The following CYP2C19 variants were observed in gnomAD, a reference collection of about 807,000 sequenced individuals.
The protein encoded by CYP2C19 is cytochrome P450 family 2 subfamily C member 19, also known as cytochrome P450 2C19.
CYP2C19 carries 59 observed loss-of-function variants against 40.9 expected under a neutral mutation model. The observed-to-expected ratio is 1.44, with a 90% CI of 1.17 to 1.79. CYP2C19 has a LOEUF of 1.79. Ranked by LOEUF, CYP2C19 falls within the 40% of genes most tolerant of loss-of-function variation. The pLI is 0.00. For synonymous variants in CYP2C19, 253 were observed against 208.7 expected, an observed-to-expected ratio of 1.21 and a Z score of -1.83; for missense variants, 754 against 596.9, an observed-to-expected ratio of 1.26 and a Z score of -2.74.
At chr10:94,838,003 A>G (rs1554854116) in intron 6 of CYP2C19, among the ~76,000 whole-genome samples, 2 of 152,128 alleles carry the variant, frequency 1.3e-5, no homozygotes, top group Non-Finnish European at 2.9e-5. Flanking sequence ...AATTTTCCCA[A>G]CTTTTCCCTT....
At chr10:94,797,953 AT>A (rs1219973248) in intron 5 of CYP2C19, among the ~76,000 whole-genome samples, 2 of 151,826 alleles carry the variant, frequency 1.3e-5, no homozygotes, top group Non-Finnish European at 2.9e-5. Flanking sequence ...TCCTGGATTC[AT>A]TGATTTTTTT....
chr10:94,854,863 T>G lies in CYP2C19; in HGVS notation c.*1949T>G, dbSNP rs1849708435. 6.6e-6 allele frequency among the ~76,000 whole-genome samples: 1 copy of G among 152,078 alleles called. No individual in the cohort carries two copies. The highest frequency in any genetic ancestry group is 1.5e-5 in the Non-Finnish European group (1 of 68,016). ...GAGTTAATAGAAGAGAAAGTGGAAA[T>G]GGGTATTACATTAATGGAAAGATAC... is the stretch of plus-strand genomic sequence containing the variant. On this transcript the variant is annotated 3_prime_UTR_variant, in exon 9 of 9. Coordinates refer to ENST00000371321, the MANE Select transcript of CYP2C19 (RefSeq NM_000769.4).
intron 6 of CYP2C19, among the ~76,000 whole-genome samples, chr10:94,830,130 G>T (rs1280987799): frequency 6.6e-6 from 1 of 152,224 alleles, no homozygotes; most frequent in Non-Finnish European, 1.5e-5. Context: ...CCTGCCCCCA[G>T]AGGTGGAGCC....
chr10:94,831,311 G>A (rs1202187807), intron 6 of CYP2C19, among the ~76,000 whole-genome samples: 1 of 152,048 alleles, frequency 6.6e-6, no homozygotes, highest in East Asian at 1.9e-4. Context: ...CAAAGTCTTA[G>A]CCATTGTAAA....
chr10:94,813,604 G>A (rs957777826), intron 5 of CYP2C19, among the ~76,000 whole-genome samples: 3 of 151,878 alleles, frequency 2.0e-5, no homozygotes, highest in Non-Finnish European at 2.9e-5. Flanking sequence ...ACCTACTCAA[G>A]CCTCAACAAT....
chr10:94,805,224 G>A (rs552636922), intron 5 of CYP2C19, among the ~76,000 whole-genome samples: 1 of 152,078 alleles, frequency 6.6e-6, no homozygotes, highest in East Asian at 1.9e-4. Flanking sequence ...ATTATGGTAA[G>A]GGAGTTTTAT....
intron 5 of CYP2C19, among the ~76,000 whole-genome samples, chr10:94,804,742 C>T (rs1848810908): frequency 6.6e-6 from 1 of 152,160 alleles, no homozygotes; most frequent in African/African-American, 2.4e-5. Flanking sequence ...CCCCAGGTAT[C>T]TTAGATGTCT....
intron 1 of CYP2C19, among the ~76,000 whole-genome samples, chr10:94,765,899 T>G (rs1440059371): frequency 2.6e-5 from 4 of 152,060 alleles, no homozygotes; most frequent in African/African-American, 7.2e-5. Flanking sequence ...CAGGTTGCAT[T>G]GCATTCATAC....
chr10:94,848,715 A>G (rs1297157532), intron 7 of CYP2C19, among the ~76,000 whole-genome samples: 1 of 152,144 alleles, frequency 6.6e-6, no homozygotes, highest in African/African-American at 2.4e-5. Context: ...ATGAGCATGG[A>G]ATGTTCTTCC....
intron 5 of CYP2C19, among the ~76,000 whole-genome samples, chr10:94,787,620 T>A (rs1406414934): frequency 6.6e-6 from 1 of 152,144 alleles, no homozygotes; most frequent in Non-Finnish European, 1.5e-5. Context: ...ATAGGATTGT[T>A]AGTTTGATGT....
At chr10:94,835,398 C>T (rs142891983) in intron 6 of CYP2C19, among the ~76,000 whole-genome samples, 1 of 152,256 alleles carries the variant, frequency 6.6e-6, no homozygotes, top group African/African-American at 2.4e-5. Flanking sequence ...GGCTAGCCAT[C>T]CCGAGGGGAG....
intron 5 of CYP2C19, among the ~76,000 whole-genome samples, chr10:94,790,685 GGGATGAAGCCAACTTGATCGTGGT>G (rs1484751807): frequency 4.6e-5 from 7 of 152,154 alleles, no homozygotes; most frequent in East Asian, 3.9e-4. Flanking sequence ...TTGCATCCCC[GGGATGAAGCCAACTTGATCGTGGT>G]GGATGAAGCC....
intron 3 of CYP2C19, among the ~76,000 whole-genome samples, chr10:94,776,867 G>T (rs758102731): frequency 6.6e-6 from 1 of 152,086 alleles, no homozygotes; most frequent in Non-Finnish European, 1.5e-5. Flanking sequence ...AATTGTCTCT[G>T]TTTACAGATG....
At chr10:94,825,970 A>G (rs61886249) in intron 6 of CYP2C19, among the ~76,000 whole-genome samples, 1 of 150,548 alleles carries the variant, frequency 6.6e-6, no homozygotes, top group East Asian at 1.9e-4. Flanking sequence ...ATAGTTGTAG[A>G]TATGTGGCGT....
chr10:94,826,464 A>T (rs992118279), intron 6 of CYP2C19, among the ~76,000 whole-genome samples: 1 of 151,964 alleles, frequency 6.6e-6, no homozygotes, highest in Non-Finnish European at 1.5e-5. Context: ...CTGTTTGTCT[A>T]TTGTTGGTGT....
rs1439658120 is a variant in CYP2C19, at chr10:94,826,184, A to G, written c.961+5547A>G. On this transcript the variant is annotated intron_variant, in intron 6 of 8. Transcript: ENST00000371321. Reference sequence around the variant, plus strand: ...ATGAACTTTAAAGTAGTTTTTTCCAATTCTGTGAAGAAAGTCATTGGTAGC... The same window carrying G: ...ATGAACTTTAAAGTAGTTTTTTCCAGTTCTGTGAAGAAAGTCATTGGTAGC... 3.3e-5 allele frequency among the ~76,000 whole-genome samples: 5 copies of G among 152,000 alleles called. No individual in the cohort carries two copies. The East Asian group carries it at 5.8e-4, about 18-fold the overall frequency.
Position 94,845,460 on chromosome 10 carries a change from T to C in CYP2C19, c.1149+2436T>C, listed in dbSNP as rs182970014. ...GGACTTGTGCAGAGAGTATTGTTTATTGATGCCCAATATAAGACTTTCCTG... is the reference window on the plus strand; with the variant it reads ...GGACTTGTGCAGAGAGTATTGTTTACTGATGCCCAATATAAGACTTTCCTG... On this transcript the variant is annotated intron_variant, in intron 7 of 8. Transcript: ENST00000371321. Among the ~76,000 whole-genome samples, 3 of 152,330 alleles carry C rather than the reference T, an allele frequency of 2.0e-5. No homozygotes were observed. The East Asian group carries it at 5.8e-4, about 29-fold the overall frequency.
chr10:94,787,931 G>A (rs1589352348), intron 5 of CYP2C19, among the ~76,000 whole-genome samples: 1 of 152,088 alleles, frequency 6.6e-6, no homozygotes, highest in Non-Finnish European at 1.5e-5. Context: ...GATAGGAATA[G>A]CATTGAATCT....
intron 8 of CYP2C19, among the ~76,000 whole-genome samples, chr10:94,851,911 T>C (rs1021599705): frequency 6.6e-6 from 1 of 152,188 alleles, no homozygotes; most frequent in Admixed American, 6.6e-5. Context: ...AGCATGAACA[T>C]GATGTTGAGG....
Sources: allele counts gnomAD v4.1 joint callset (sites outside exome capture counted in the v4.1 genomes callset), GRCh38; gene constraint gnomAD v4.1.1; transcripts MANE v1.5; gene names NCBI Gene and HGNC (gene_info 2026-07-23, HGNC 2026-07-21).